SRGAP3: variants seen among roughly 807,000 people sequenced by gnomAD.
SRGAP3 encodes SLIT-ROBO Rho GTPase-activating protein 3.
A neutral mutation model predicts 121.1 loss-of-function variants in SRGAP3; 39 were observed. That is an observed-to-expected ratio of 0.32 (90% CI 0.25 to 0.42). The LOEUF is 0.42. Ranked by LOEUF, SRGAP3 falls within the 10% of genes least tolerant of loss-of-function variation. The pLI is 1.00. For synonymous variants in SRGAP3, 601 were observed against 570.0 expected, an observed-to-expected ratio of 1.05 and a Z score of -0.77; for missense variants, 1,213 against 1,470.6, an observed-to-expected ratio of 0.82 and a Z score of 2.86.
chr3:9,245,190 G>C (rs956094102), intron 1 of SRGAP3, among the ~76,000 whole-genome samples: 2 of 119,508 alleles, frequency 1.7e-5, no homozygotes, highest in East Asian at 3.1e-4. Flanking sequence ...TGAAAAATCT[G>C]TCTGGGCCTA....
intron 19 of SRGAP3, among the ~76,000 whole-genome samples, chr3:8,993,411 G>A (rs1942195026): frequency 6.6e-6 from 1 of 152,218 alleles, no homozygotes; most frequent in African/African-American, 2.4e-5. Context: ...AGGGCTGAGT[G>A]CTGAGTCTCT....
intron 2 of SRGAP3, among the ~76,000 whole-genome samples, chr3:9,328,768 A>C (rs1245753516): frequency 6.6e-6 from 1 of 152,252 alleles, no homozygotes; most frequent in African/African-American, 2.4e-5. Context: ...GCAGAACCTT[A>C]GCTACCGAGC....
intron 3 of SRGAP3, among the ~76,000 whole-genome samples, chr3:9,099,312 C>CGGAGGA (rs1948115078): frequency 6.6e-6 from 1 of 152,228 alleles, no homozygotes; most frequent in African/African-American, 2.4e-5. Flanking sequence ...TTCCTCCCAA[C>CGGAGGA]ACCACAGCTT....
chr3:8,989,228 T>C (rs1941899188), intron 21 of SRGAP3, among the ~76,000 whole-genome samples: 1 of 152,250 alleles, frequency 6.6e-6, no homozygotes, highest in Non-Finnish European at 1.5e-5. Context: ...TCATAACTGG[T>C]AGAACTTTCT....
chr3:9,105,207 T>C (rs1023465089), intron 2 of SRGAP3, among the ~76,000 whole-genome samples: 1 of 152,190 alleles, frequency 6.6e-6, no homozygotes, highest in Non-Finnish European at 1.5e-5. Flanking sequence ...AACTATGCAA[T>C]AGAAAGAACA....
At chr3:9,179,586 A>G (rs1951303272) in intron 1 of SRGAP3, among the ~76,000 whole-genome samples, 1 of 152,226 alleles carries the variant, frequency 6.6e-6, no homozygotes, top group Non-Finnish European at 1.5e-5. Context: ...CACAACAAGA[A>G]GTCAACTATT....
chr3:9,309,982 CA>C (rs2125277956), intron 3 of SRGAP3, among the ~76,000 whole-genome samples: 2 of 152,294 alleles, frequency 1.3e-5, no homozygotes, highest in East Asian at 3.9e-4. Flanking sequence ...TCATTAAGAA[CA>C]TCCTAGAGAG....
chr3:9,088,726 T>C (rs1947606998), intron 3 of SRGAP3, among the ~76,000 whole-genome samples: 1 of 152,178 alleles, frequency 6.6e-6, no homozygotes. Context: ...GGCCATTCAG[T>C]GCTTTCAGAG....
chr3:9,247,948 T>C (rs1953881663), intron 1 of SRGAP3, among the ~76,000 whole-genome samples: 1 of 152,322 alleles, frequency 6.6e-6, no homozygotes, highest in East Asian at 1.9e-4. Flanking sequence ...GAAGCCCCAG[T>C]CTGGCCTGAA....
intron 1 of SRGAP3, among the ~76,000 whole-genome samples, chr3:9,243,514 A>G (rs551259389): frequency 6.6e-6 from 1 of 152,212 alleles, no homozygotes; most frequent in South Asian, 2.1e-4. Flanking sequence ...GCATGCCTGT[A>G]ATCTCAGCTA....
At chr3:9,037,059 A>G (rs898894100) in intron 11 of SRGAP3, 5 of 151,700 alleles carry the variant, frequency 3.3e-5, no homozygotes, top group Admixed American at 3.3e-4. Flanking sequence ...ACTTTGCCCA[A>G]CTCCCTTCCC....
At chr3:9,188,110 C>T (rs777608642) in intron 1 of SRGAP3, among the ~76,000 whole-genome samples, 5 of 152,164 alleles carry the variant, frequency 3.3e-5, no homozygotes, top group African/African-American at 1.2e-4. Flanking sequence ...CCTTACCAAA[C>T]GTGCATTTTT....
chr3:9,154,110 T>C (rs1250597509), intron 1 of SRGAP3, among the ~76,000 whole-genome samples: 1 of 152,094 alleles, frequency 6.6e-6, no homozygotes, highest in Non-Finnish European at 1.5e-5. Context: ...CCACGTGAAT[T>C]ACCCCACTGC....
In SRGAP3 at chr3:9,229,191, C is replaced by T. The variant is rs1349944495; in HGVS notation, c.67+19694G>A. On this transcript the variant is annotated intron_variant, in intron 1 of 21. Transcript: ENST00000383836. ...GATATTATGGACTAGCTAGGTTCTA[C>T]GATACAGTCATGAACCAAAATTCCC... is the stretch of plus-strand genomic sequence containing the variant. Among the ~76,000 whole-genome samples the T allele has an allele frequency of 3.9e-5, 6 of 152,050 alleles. No individual in the cohort carries two copies. In the East Asian group the frequency reaches 5.8e-4, roughly 15 times the overall value.
At chr3:9,277,717 G>C (rs1342949127) in intron 3 of SRGAP3, among the ~76,000 whole-genome samples, 1 of 151,984 alleles carries the variant, frequency 6.6e-6, no homozygotes, top group Admixed American at 6.6e-5. Flanking sequence ...GAATGTGAAG[G>C]TTGCAGTGAG....
intron 14 of SRGAP3, among the ~76,000 whole-genome samples, chr3:9,022,007 C>T (rs752916430): frequency 1.3e-5 from 2 of 152,078 alleles, no homozygotes; most frequent in South Asian, 2.1e-4. Flanking sequence ...TCACCTGAAC[C>T]GGAGGAGGCA....
intron 3 of SRGAP3, among the ~76,000 whole-genome samples, chr3:9,308,728 G>T (rs1481387134): frequency 6.6e-6 from 1 of 152,194 alleles, no homozygotes; most frequent in Admixed American, 6.5e-5. Context: ...GAGGCTGATG[G>T]AAATGATGGG....
At chr3:9,024,696 G>A (rs1350503752) in intron 14 of SRGAP3, among the ~76,000 whole-genome samples, 1 of 152,260 alleles carries the variant, frequency 6.6e-6, no homozygotes, top group East Asian at 1.9e-4. Context: ...AGGGTTGGAG[G>A]GAGTGTATAA....
At chr3:9,112,679 G>A (rs116337246) in intron 2 of SRGAP3, among the ~76,000 whole-genome samples, 1 of 152,318 alleles carries the variant, frequency 6.6e-6, no homozygotes, top group African/African-American at 2.4e-5. Context: ...TCTCATCACT[G>A]AGACCTGAGC....
Sources: allele counts gnomAD v4.1 joint callset (sites outside exome capture counted in the v4.1 genomes callset), GRCh38; gene constraint gnomAD v4.1.1; transcripts MANE v1.5; gene names NCBI Gene and HGNC (gene_info 2026-07-23, HGNC 2026-07-21).